Variants in SLC1A7 observed in about 807,000 individuals in gnomAD.
The protein encoded by SLC1A7 is excitatory amino acid transporter 5.
A neutral mutation model predicts 47.7 loss-of-function variants in SLC1A7; 40 were observed. That is an observed-to-expected ratio of 0.84 (90% CI 0.65 to 1.09). The LOEUF is 1.09. Among genes scored for constraint, SLC1A7 ranks in the 50% least tolerant of loss-of-function variants. The probability of loss-of-function intolerance (pLI) is 0.00; values close to 1 mark genes in which losing one functional copy is unlikely to be tolerated. For missense variants in SLC1A7, 746 were observed against 769.5 expected (o/e 0.97, Z 0.36); for synonymous variants, 323 against 325.6 (o/e 0.99, Z 0.09).
chr1:53,100,903 C>G (rs1342061116), intron 5 of SLC1A7, among the ~76,000 whole-genome samples: 1 of 150,854 alleles, frequency 6.6e-6, no homozygotes, highest in Non-Finnish European at 1.5e-5. Context: ...TGCCTCAATA[C>G]ATTCACACAC....
At chr1:53,110,492 A>G (rs901004917) in intron 3 of SLC1A7, among the ~76,000 whole-genome samples, 3 of 152,116 alleles carry the variant, frequency 2.0e-5, no homozygotes, top group African/African-American at 7.2e-5. Context: ...ATCAGTTTTC[A>G]CCACGTGAAA....
chr1:53,134,445 G>T lies in SLC1A7; in HGVS notation c.136-16C>A, dbSNP rs376096941. On this transcript the variant is annotated splice_polypyrimidine_tract_variant and intron_variant, in intron 1 of 10. Coordinates refer to ENST00000371494, the MANE Select transcript of SLC1A7 (RefSeq NM_006671.6). ...AACTAATTTCCTGAAAACACAGTAA[G>T]AACTGGGGTTATAGCAAGAGATGCA... The T allele has an allele frequency of 4.4e-6, 7 of 1,573,764 alleles. No homozygotes were observed. In the South Asian group the frequency reaches 6.7e-5, roughly 15 times the overall value.
chr1:53,120,349 T>C (rs1339960014), intron 2 of SLC1A7, among the ~76,000 whole-genome samples: 1 of 152,040 alleles, frequency 6.6e-6, no homozygotes, highest in Non-Finnish European at 1.5e-5. Flanking sequence ...GAAGTCGAAG[T>C]TGTAGTCGCA....
chr1:53,123,507 G>A (rs1644848061), intron 2 of SLC1A7, among the ~76,000 whole-genome samples: 1 of 152,242 alleles, frequency 6.6e-6, no homozygotes, highest in Non-Finnish European at 1.5e-5. Context: ...GGAATGAGGT[G>A]GGTCTGTGTT....
rs748439840 is a variant in SLC1A7 at position 53,088,134 on chromosome 1, C to G, written c.1558G>C (p.Glu520Gln). Residue 520 changes from glutamate to glutamine, a missense_variant, in exon 11 of 11, where the codon GAG (glutamate) becomes CAG (glutamine). Glu to Gln is a conservative substitution (Grantham distance 29). Coordinates refer to ENST00000371494, the MANE Select transcript of SLC1A7 (RefSeq NM_006671.6). ...GCVKSVAEASELTLGPTCPHH... is the reference protein window; with the variant it reads ...GCVKSVAEASQLTLGPTCPHH... ...GGGCAGGTGGGGCCCAGGGTGAGCT[C>G]GGAGGCCTCGGCTACACTCTTCACA... 40 of 1,613,030 alleles carry G rather than the reference C, an allele frequency of 2.5e-5. No individual in the cohort carries two copies. In the South Asian group the frequency reaches 3.9e-4, roughly 16 times the overall value.
chr1:53,104,119 T>A (rs1376717630), intron 4 of SLC1A7, among the ~76,000 whole-genome samples: 1 of 152,144 alleles, frequency 6.6e-6, no homozygotes, highest in Non-Finnish European at 1.5e-5. Flanking sequence ...ATCCCTCAGG[T>A]ACTGGGAGCC....
rs1644450354 is a variant in SLC1A7 at position 53,093,563 on chromosome 1, G to A, written c.698-3C>T. 8 of 1,594,964 alleles carry A rather than the reference G, an allele frequency of 5.0e-6. No individual in the cohort carries two copies. The East Asian group carries it at 1.8e-4, about 36-fold the overall frequency. ...ACCCATGCGGCCCAGCATGATGCCTGCGGGTCAGGGACACAGTGCTGTGGT... is the reference window on the plus strand; with the variant it reads ...ACCCATGCGGCCCAGCATGATGCCTACGGGTCAGGGACACAGTGCTGTGGT... On this transcript the variant is annotated splice_polypyrimidine_tract_variant and splice_region_variant and intron_variant, in intron 5 of 10. Coordinates refer to ENST00000371494, the MANE Select transcript of SLC1A7 (RefSeq NM_006671.6).
intron 2 of SLC1A7, among the ~76,000 whole-genome samples, chr1:53,127,668 G>A (rs1679964): frequency 1 from 151,841 of 152,330 alleles, 75,678 homozygotes; most frequent in Middle Eastern, 1. Context: ...GACTGGTGAG[G>A]ACCGGGCTTC....
chr1:53,123,102 C>CA (rs1644842635), intron 2 of SLC1A7, among the ~76,000 whole-genome samples: 1 of 152,240 alleles, frequency 6.6e-6, no homozygotes, highest in African/African-American at 2.4e-5. Context: ...GCCACAGCTG[C>CA]AGCCCTCAGA....
At chr1:53,130,165 T>A (rs776551681) in intron 2 of SLC1A7, among the ~76,000 whole-genome samples, 6 of 152,224 alleles carry the variant, frequency 3.9e-5, no homozygotes, top group Non-Finnish European at 8.8e-5. Flanking sequence ...TCATCCATTT[T>A]ACCAACAAAT....
chr1:53,133,713 C>T (rs1644963463), intron 2 of SLC1A7, among the ~76,000 whole-genome samples: 1 of 152,100 alleles, frequency 6.6e-6, no homozygotes, highest in Non-Finnish European at 1.5e-5. Flanking sequence ...TTTCCATGGC[C>T]CGCACCCTAC....
intron 2 of SLC1A7, among the ~76,000 whole-genome samples, chr1:53,125,328 G>A (rs1317465397): frequency 6.6e-6 from 1 of 152,250 alleles, no homozygotes; most frequent in African/African-American, 2.4e-5. Flanking sequence ...AGCAGCAAAT[G>A]TCGGATGAGA....
intron 3 of SLC1A7, 150 bp downstream of exon 3, chr1:53,114,608 C>T: frequency 1.5e-6 from 1 of 662,304 alleles, no homozygotes; most frequent in Non-Finnish European, 2.6e-6. Context: ...GCAGCATGAG[C>T]CCAGCGGGCA....
intron 3 of SLC1A7, among the ~76,000 whole-genome samples, chr1:53,113,683 C>T (rs2150332026): frequency 6.6e-6 from 1 of 152,256 alleles, no homozygotes; most frequent in South Asian, 2.1e-4. Context: ...ATTGAACCTT[C>T]TGAATTGGAT....
intron 7 of SLC1A7, 103 bp from the exon 8 acceptor site, chr1:53,090,909 T>C: frequency 1.9e-6 from 3 of 1,546,984 alleles, no homozygotes; most frequent in Non-Finnish European, 2.6e-6. Flanking sequence ...CCGCCAGGAG[T>C]GTTTGTGCCT....
Position 53,087,755 on chromosome 1 carries a change from T to C in SLC1A7, c.*254A>G. 1 of 340,722 alleles carries C rather than the reference T, an allele frequency of 2.9e-6. No individual in the cohort carries two copies. The highest frequency in any genetic ancestry group is 5.3e-6 in the Non-Finnish European group (1 of 188,418). 21.1% of individuals were successfully genotyped at this position (340,722 alleles called of 1,614,324 possible). On this transcript the variant is annotated 3_prime_UTR_variant, in exon 11 of 11. Coordinates refer to ENST00000371494, the MANE Select transcript of SLC1A7 (RefSeq NM_006671.6). ...CCCCTGCCTGCCGCCCTCACCGGGC[T>C]CACACCGGGGAAACTGTCACAGCGG...
rs372034640 is a variant in SLC1A7, at chr1:53,123,279, T to C, written c.216-8306A>G. On this transcript the variant is annotated intron_variant, in intron 2 of 10. Transcript: ENST00000371494. ...ATGAGGAGTCAGGGGAACTCAGGTC[T>C]CCTGCCTCCCCTCCCTGCACCAGCA... is the stretch of plus-strand genomic sequence containing the variant. Among the ~76,000 whole-genome samples the C allele has an allele frequency of 8.3e-4, 126 of 152,316 alleles. 1 individual carries two copies. The highest frequency in any genetic ancestry group is 2.9e-3 in the African/African-American group (119 of 41,582).
chr1:53,136,630 A>ATATT (rs1401225061), intron 1 of SLC1A7, among the ~76,000 whole-genome samples: 43 of 119,730 alleles, frequency 3.6e-4, no homozygotes, highest in African/African-American at 1.3e-3. Flanking sequence ...AAACATATAT[A>ATATT]ATATATAAAA....
intron 7 of SLC1A7, among the ~76,000 whole-genome samples, chr1:53,092,072 C>T (rs778600084): frequency 8.5e-5 from 13 of 152,232 alleles, no homozygotes; most frequent in Non-Finnish European, 1.9e-4. Flanking sequence ...AAGCAATGCC[C>T]AGGCACAGCG....
Sources: allele counts gnomAD v4.1 joint callset (sites outside exome capture counted in the v4.1 genomes callset), GRCh38; gene constraint gnomAD v4.1.1; transcripts MANE v1.5; gene names NCBI Gene and HGNC (gene_info 2026-07-23, HGNC 2026-07-21).